TRIM5: variants seen among roughly 807,000 people sequenced by gnomAD.
TRIM5 encodes the protein tripartite motif-containing protein 5.
A neutral mutation model predicts 35.6 loss-of-function variants in TRIM5; 31 were observed. The ratio of observed to expected loss-of-function variants is 0.87; its 90% CI spans 0.65 to 1.18. The LOEUF (loss-of-function observed/expected upper bound fraction) is 1.18. Among genes scored for constraint, TRIM5 ranks in the 50% most tolerant of loss-of-function variants. The pLI is 0.00. For missense variants in TRIM5, 609 were observed against 591.6 expected (o/e 1.03, Z -0.31); for synonymous variants, 243 against 215.6 (o/e 1.13, Z -1.11).
At chr11:5,683,648 G>C (rs1852741281) in intron 1 of TRIM5, among the ~76,000 whole-genome samples, 1 of 152,144 alleles carries the variant, frequency 6.6e-6, no homozygotes, top group Non-Finnish European at 1.5e-5. Flanking sequence ...TCTGTATCTA[G>C]CTACTCTGGT....
At chr11:5,674,659 T>C (rs1851811744) in intron 4 of TRIM5, among the ~76,000 whole-genome samples, 1 of 152,266 alleles carries the variant, frequency 6.6e-6, no homozygotes, top group Non-Finnish European at 1.5e-5. Context: ...GTGGACTCAG[T>C]CTACGAGCTA....
At chr11:5,603,463 G>C in the TRIM5 span, 1 of 1,614,144 alleles carries the variant, frequency 6.2e-7, no homozygotes. Context: ...GATTGGTCAA[G>C]AAGGGGAAAG....
chr11:5,605,905 G>A, the TRIM5 span, among the ~76,000 whole-genome samples: 27 of 152,230 alleles, frequency 1.8e-4, no homozygotes, highest in Admixed American at 3.3e-4. Context: ...TCTTTGCTGC[G>A]TGGGGTTCTC....
At chr11:5,655,740 T>C in the TRIM5 span, 1 of 954,700 alleles carries the variant, frequency 1.0e-6, no homozygotes, top group Non-Finnish European at 1.2e-6. Context: ...GGCACAAAAG[T>C]ATGTGCAGGA....
At chr11:5,660,609 T>C (rs1285237201), downstream of TRIM5, among the ~76,000 whole-genome samples, 1 of 152,178 alleles carries the variant, frequency 6.6e-6, no homozygotes, top group Non-Finnish European at 1.5e-5. Flanking sequence ...ATATGTTAAA[T>C]TGATTGATTT....
intron 3 of TRIM5, 52 bp from the exon 4 acceptor site, chr11:5,678,486 G>T: frequency 7.0e-7 from 1 of 1,419,996 alleles, no homozygotes; most frequent in Non-Finnish European, 9.4e-7. Context: ...GGCAGAGGCT[G>T]TTAGCCAGAA....
At chr11:5,613,726 ATTTAC>A in the TRIM5 span, among the ~76,000 whole-genome samples, 14 of 152,314 alleles carry the variant, frequency 9.2e-5, no homozygotes, top group South Asian at 1.7e-3. Context: ...TTCCAAGTGA[ATTTAC>A]TTTATAAGTA....
At chr11:5,633,652 A>C in the TRIM5 span, 3 of 660,728 alleles carry the variant, frequency 4.5e-6, no homozygotes, top group East Asian at 8.7e-5. Flanking sequence ...ATCTCCTCAA[A>C]ATTTTCCCCA....
intron 4 of TRIM5, among the ~76,000 whole-genome samples, chr11:5,677,759 G>T (rs1852106184): frequency 1.3e-5 from 2 of 151,892 alleles, no homozygotes; most frequent in South Asian, 4.1e-4. Context: ...AGCATATAAA[G>T]AAGAAATGAT....
At chr11:5,610,577 G>C in the TRIM5 span, 1 of 1,610,256 alleles carries the variant, frequency 6.2e-7, no homozygotes, top group East Asian at 2.2e-5. Flanking sequence ...TAGAAGCCAT[G>C]GCCTCTTTGG....
chr11:5,642,694 T>G, the TRIM5 span: 1 of 1,454,970 alleles, frequency 6.9e-7, no homozygotes, highest in South Asian at 1.3e-5. Flanking sequence ...GTTTATCTTT[T>G]TAATTCACTA....
At chr11:5,666,137 AACACCCC>A in intron 5 of TRIM5, 56 bp from the exon 6 acceptor site, 1 of 1,441,022 alleles carries the variant, frequency 6.9e-7, no homozygotes, top group Non-Finnish European at 9.5e-7. Flanking sequence ...GTGTCCGTGG[AACACCCC>A]TGACTTCCTA....
At chr11:5,628,244 C>T in the TRIM5 span, among the ~76,000 whole-genome samples, 4 of 152,246 alleles carry the variant, frequency 2.6e-5, no homozygotes, top group African/African-American at 4.8e-5. Context: ...ACTACTTCCT[C>T]TCCTGGAGCC....
At chr11:5,592,708 G>A in the TRIM5 span, among the ~76,000 whole-genome samples, 3 of 151,972 alleles carry the variant, frequency 2.0e-5, no homozygotes, top group Non-Finnish European at 4.4e-5. Context: ...CTTGAGTCCA[G>A]GAGTTTGAGA....
intron 6 of TRIM5, 22 bp downstream of exon 6, chr11:5,665,959 T>C: frequency 6.3e-7 from 1 of 1,592,740 alleles, no homozygotes; most frequent in South Asian, 1.1e-5. Flanking sequence ...CATAACCCTG[T>C]TGTTGATCTA....
the TRIM5 span, chr11:5,620,141 T>C: frequency 3.3e-5 from 5 of 150,690 alleles, no homozygotes; most frequent in Admixed American, 1.3e-4. Flanking sequence ...TTTAGTTGGT[T>C]TAGCTTTTTT....
chr11:5,608,358 T>A, the TRIM5 span: 6 of 1,613,312 alleles, frequency 3.7e-6, no homozygotes, highest in Non-Finnish European at 5.1e-6. Flanking sequence ...TTAACCTGTC[T>A]TTTTCCTTCC....
At chr11:5,671,946 A>G (rs1421022207) in intron 4 of TRIM5, among the ~76,000 whole-genome samples, 1 of 152,156 alleles carries the variant, frequency 6.6e-6, no homozygotes, top group Non-Finnish European at 1.5e-5. Context: ...AAAGGCTACA[A>G]TCAAGGCAAA....
At chr11:5,607,304 C>T in the TRIM5 span, among the ~76,000 whole-genome samples, 1 of 152,256 alleles carries the variant, frequency 6.6e-6, no homozygotes, top group African/African-American at 2.4e-5. Context: ...TCGATTTGAT[C>T]ATTTCAGTTC....
Sources: gnomAD v4.1 joint callset for allele counts (sites outside exome capture counted in the v4.1 genomes callset) on GRCh38, gnomAD v4.1.1 for gene constraint, MANE v1.5 for transcripts, NCBI Gene and HGNC (gene_info 2026-07-23, HGNC 2026-07-21) for gene names.